ASIC2: variants seen among roughly 807,000 people sequenced by gnomAD.
The protein encoded by ASIC2 is acid sensing ion channel subunit 2.
ASIC2 carries 25 observed loss-of-function variants against 57.3 expected under a neutral mutation model. The ratio of observed to expected loss-of-function variants is 0.44; its 90% CI spans 0.32 to 0.61. The LOEUF is 0.61. Ranked by LOEUF, ASIC2 falls within the 20% of genes least tolerant of loss-of-function variation. ASIC2 has a pLI of 0.06. For synonymous variants in ASIC2, 319 were observed against 307.5 expected, an observed-to-expected ratio of 1.04 and a Z score of -0.39; for missense variants, 641 against 738.1, an observed-to-expected ratio of 0.87 and a Z score of 1.52.
chr17:33,813,620 T>A (rs1375389929), intron 1 of ASIC2, among the ~76,000 whole-genome samples: 1 of 152,148 alleles, frequency 6.6e-6, no homozygotes, highest in Admixed American at 6.5e-5. Context: ...GTATTTTTAG[T>A]AGAGACGGGG....
In ASIC2 at chr17:33,260,813, A is replaced by G. The variant is rs377189487; in HGVS notation, c.708+30595T>C. On this transcript the variant is annotated intron_variant, in intron 1 of 9. Coordinates refer to ENST00000225823, the MANE Select transcript of ASIC2 (RefSeq NM_183377.2). ...CACCCCTTGCTGACTGGCTCCTCAC[A>G]CCGTGCAGGTGCAGCCCCAGTGCGT... Among the ~76,000 whole-genome samples, 4 of 152,086 alleles carry G rather than the reference A, an allele frequency of 2.6e-5. No homozygotes were observed. The South Asian group carries it at 8.3e-4, about 32-fold the overall frequency.
chr17:33,746,935 C>T (rs564872334), intron 1 of ASIC2, among the ~76,000 whole-genome samples: 1 of 152,080 alleles, frequency 6.6e-6, no homozygotes, highest in East Asian at 1.9e-4. Flanking sequence ...CAATACTCTA[C>T]TGAAAAATGA....
At chr17:33,176,326 C>T (rs902241348) in intron 1 of ASIC2, among the ~76,000 whole-genome samples, 4 of 152,166 alleles carry the variant, frequency 2.6e-5, no homozygotes, top group Non-Finnish European at 5.9e-5. Context: ...CCTGGCACAT[C>T]GTAGGGGCTT....
At chr17:33,493,207 C>A (rs1913815448) in intron 1 of ASIC2, among the ~76,000 whole-genome samples, 1 of 152,186 alleles carries the variant, frequency 6.6e-6, no homozygotes, top group Non-Finnish European at 1.5e-5. Flanking sequence ...CTCAGCCACA[C>A]CGAAGGCTGG....
At chr17:33,169,732 A>G (rs1431686660) in intron 1 of ASIC2, among the ~76,000 whole-genome samples, 1 of 152,164 alleles carries the variant, frequency 6.6e-6, no homozygotes, top group Non-Finnish European at 1.5e-5. Flanking sequence ...ACCCCTGCTG[A>G]GTCTCACATC....
chr17:33,192,810 A>G (rs1906479859), intron 1 of ASIC2, among the ~76,000 whole-genome samples: 1 of 152,154 alleles, frequency 6.6e-6, no homozygotes, highest in Non-Finnish European at 1.5e-5. Context: ...GTAGTATCCA[A>G]TTTTCTAATT....
At chr17:33,348,450 A>T (rs557613231) in intron 1 of ASIC2, among the ~76,000 whole-genome samples, 1 of 152,076 alleles carries the variant, frequency 6.6e-6, no homozygotes, top group South Asian at 2.1e-4. Flanking sequence ...AAACATCTCC[A>T]CTCACGAGTT....
intron 1 of ASIC2, chr17:34,036,705 G>A (rs1039940578): frequency 6.7e-5 from 2 of 29,640 alleles, no homozygotes; most frequent in African/African-American, 2.3e-4. Flanking sequence ...TTTTTTTTTT[G>A]CATGGACAGA....
intron 1 of ASIC2, among the ~76,000 whole-genome samples, chr17:33,346,886 C>T (rs995035896): frequency 6.6e-6 from 1 of 152,064 alleles, no homozygotes; most frequent in Non-Finnish European, 1.5e-5. Flanking sequence ...GTCACCAAAG[C>T]CTAGAGCGGA....
At chr17:34,061,136 T>C (rs891644136) in intron 1 of ASIC2, among the ~76,000 whole-genome samples, 2 of 152,096 alleles carry the variant, frequency 1.3e-5, no homozygotes, top group African/African-American at 4.8e-5. Context: ...CCTATCAGAT[T>C]AACAGCGGAT....
intron 1 of ASIC2, among the ~76,000 whole-genome samples, chr17:33,248,706 C>A (rs1045479504): frequency 6.6e-6 from 1 of 152,170 alleles, no homozygotes; most frequent in Non-Finnish European, 1.5e-5. Flanking sequence ...GAGGCCACAT[C>A]ACTCTCATCA....
At chr17:34,155,953 A>G in intron 1 of ASIC2, 1 of 1,579,544 alleles carries the variant, frequency 6.3e-7, no homozygotes, top group Middle Eastern at 1.7e-4. Context: ...GACCAGACAG[A>G]GTGAGCTGAA....
intron 1 of ASIC2, among the ~76,000 whole-genome samples, chr17:33,191,483 T>C (rs1190037220): frequency 6.6e-6 from 1 of 152,070 alleles, no homozygotes; most frequent in Non-Finnish European, 1.5e-5. Context: ...CATATCATTG[T>C]ATGGTGATCA....
At chr17:33,586,230 CTTTCTGGAGCTTT>C (rs1465376765) in intron 1 of ASIC2, among the ~76,000 whole-genome samples, 1 of 152,164 alleles carries the variant, frequency 6.6e-6, no homozygotes, top group Non-Finnish European at 1.5e-5. Flanking sequence ...GCCAGTCTAT[CTTTCTGGAGCTTT>C]TTTCTGGAGC....
intron 1 of ASIC2, among the ~76,000 whole-genome samples, chr17:33,195,424 G>T (rs1906582802): frequency 6.6e-6 from 1 of 152,132 alleles, no homozygotes. Context: ...CAGGATTATG[G>T]GTGGAAAAGC....
intron 1 of ASIC2, among the ~76,000 whole-genome samples, chr17:33,622,995 T>C (rs1179394580): frequency 6.6e-6 from 1 of 152,174 alleles, no homozygotes; most frequent in African/African-American, 2.4e-5. Context: ...TATTTGGACA[T>C]TTATTTAGTG....
chr17:33,863,480 C>A (rs924008394), intron 1 of ASIC2, among the ~76,000 whole-genome samples: 2 of 152,220 alleles, frequency 1.3e-5, no homozygotes, highest in African/African-American at 4.8e-5. Context: ...CATGGCCAAA[C>A]AACTGTCAGC....
intron 1 of ASIC2, among the ~76,000 whole-genome samples, chr17:34,105,049 C>G (rs556246326): frequency 2.8e-3 from 424 of 152,086 alleles, no homozygotes; most frequent in Non-Finnish European, 4.4e-3. Flanking sequence ...CTAGAATTCA[C>G]CTGTGAAGGC....
intron 1 of ASIC2, among the ~76,000 whole-genome samples, chr17:33,604,259 T>G (rs1204521431): frequency 6.6e-6 from 1 of 152,182 alleles, no homozygotes; most frequent in Non-Finnish European, 1.5e-5. Context: ...AATCTTTGGT[T>G]GTTTGTATTC....
Sources: allele counts gnomAD v4.1 joint callset (sites outside exome capture counted in the v4.1 genomes callset), GRCh38; gene constraint gnomAD v4.1.1; transcripts MANE v1.5; gene names NCBI Gene and HGNC (gene_info 2026-07-23, HGNC 2026-07-21).